TOR1AIP2: variants seen among roughly 807,000 people sequenced by gnomAD.
TOR1AIP2 encodes the protein torsin 1A interacting protein 2, also known as torsin-1A-interacting protein 2.
In TOR1AIP2, 20 loss-of-function variants were observed where a neutral mutation model predicts 32.6. The observed-to-expected ratio is 0.61, with a 90% CI of 0.43 to 0.89. The LOEUF (loss-of-function observed/expected upper bound fraction) is 0.89, where lower values mean the gene tolerates loss of function less well. TOR1AIP2 is among the 40% of genes least tolerant of loss of function. TOR1AIP2 has a pLI of 0.00. For synonymous variants in TOR1AIP2, 214 were observed against 210.8 expected (o/e 1.02, Z -0.13); for missense variants, 456 against 553.8 (o/e 0.82, Z 1.77).
intron 2 of TOR1AIP2, chr1:179,874,258 C>G (rs1697110935): frequency 6.6e-6 from 1 of 152,140 alleles, no homozygotes; most frequent in Admixed American, 6.5e-5. Flanking sequence ...CTGGTGTTCA[C>G]TATAAAGTAG....
At chr1:179,853,881 AC>A (rs1205834067) in intron 3 of TOR1AIP2, among the ~76,000 whole-genome samples, 1 of 152,184 alleles carries the variant, frequency 6.6e-6, no homozygotes, top group African/African-American at 2.4e-5. Flanking sequence ...GCCACTGTGA[AC>A]ACTTAGCGAA....
At chr1:179,846,886 G>T in intron 6 of TOR1AIP2, 58 bp from the exon 7 acceptor site, 1 of 1,502,922 alleles carries the variant, frequency 6.7e-7, no homozygotes. Context: ...CAGAAACAAA[G>T]CCTGTGGTAA....
intron 4 of TOR1AIP2, 62 bp downstream of exon 4, chr1:179,852,570 T>C (rs1445763291): frequency 1.9e-6 from 3 of 1,561,636 alleles, no homozygotes; most frequent in Non-Finnish European, 2.6e-6. Flanking sequence ...AGAGATTTTC[T>C]CTCTCTGCAC....
intron 5 of TOR1AIP2, among the ~76,000 whole-genome samples, chr1:179,850,237 T>A (rs1417060023): frequency 6.6e-6 from 1 of 151,732 alleles, no homozygotes; most frequent in Non-Finnish European, 1.5e-5. Context: ...GGGCCACAAC[T>A]AGAATTCACA....
chr1:179,868,445 T>C (rs1327340522), intron 2 of TOR1AIP2: 1 of 152,224 alleles, frequency 6.6e-6, no homozygotes, highest in African/African-American at 2.4e-5. Context: ...ATTCTTATAG[T>C]CTAATGACAA....
At chr1:179,872,011 T>C (rs1697028063) in intron 2 of TOR1AIP2, among the ~76,000 whole-genome samples, 1 of 152,216 alleles carries the variant, frequency 6.6e-6, no homozygotes, top group East Asian at 1.9e-4. Context: ...AGAGAAGGCA[T>C]ATGGATGACA....
At chr1:179,858,495 A>AG (rs1168252336) in intron 3 of TOR1AIP2, among the ~76,000 whole-genome samples, 2 of 152,198 alleles carry the variant, frequency 1.3e-5, no homozygotes, top group African/African-American at 2.4e-5. Context: ...ATCTGGGCAA[A>AG]GGTCTTACTA....
intron 2 of TOR1AIP2, among the ~76,000 whole-genome samples, chr1:179,866,768 C>G (rs926520561): frequency 6.6e-6 from 1 of 152,144 alleles, no homozygotes; most frequent in Non-Finnish European, 1.5e-5. Flanking sequence ...TAAGGCACAG[C>G]CCTGAGCAAT....
chr1:179,843,139 A>C lies in TOR1AIP2; in HGVS notation c.*2932T>G, dbSNP rs912243742. 1 of 152,060 alleles carries C rather than the reference A, an allele frequency of 6.6e-6. No individual in the cohort carries two copies. Among genetic ancestry groups the C allele is most frequent in the African/African-American group, 2.4e-5 (1 of 41,420 alleles). The allele number at this position is 152,060 out of a possible 1,614,324, so 9.4% of individuals were successfully genotyped here. On this transcript the variant is annotated 3_prime_UTR_variant, in exon 7 of 7. Coordinates refer to ENST00000609928, the MANE Select transcript of TOR1AIP2 (RefSeq NM_001199260.2). The stretch of plus-strand genomic sequence containing the variant: ...TTTGAATTATCTGTACATTTATAAA[A>C]TATGGTCTTATGTTTAAAAATAGTC...
chr1:179,870,911 T>G (rs1256057727), intron 2 of TOR1AIP2, among the ~76,000 whole-genome samples: 1 of 152,278 alleles, frequency 6.6e-6, no homozygotes, highest in Non-Finnish European at 1.5e-5. Flanking sequence ...ACTTTATGAT[T>G]GTTAAACATA....
At chr1:179,847,700 A>C (rs1374839644) in intron 5 of TOR1AIP2, 64 bp from the exon 6 acceptor site, 2 of 1,075,752 alleles carry the variant, frequency 1.9e-6, no homozygotes, top group Non-Finnish European at 2.9e-6. Context: ...GTATACCTTT[A>C]TATCTCTCAC....
In TOR1AIP2 at chr1:179,846,041, T is replaced by A. The variant is rs1241740063; in HGVS notation, c.*30A>T. 6.3e-7 allele frequency: 1 copy of A among 1,589,484 alleles called. No individual in the cohort carries two copies. The highest frequency in any genetic ancestry group is 8.6e-7 in the Non-Finnish European group (1 of 1,166,310). On this transcript the variant is annotated 3_prime_UTR_variant, in exon 7 of 7. Coordinates refer to ENST00000609928, the MANE Select transcript of TOR1AIP2 (RefSeq NM_001199260.2). ...TTAAACAAACTTTTTCATAAACATA[T>A]ACCTTCTGTAACCAACTCTGTGCTT...
At position 179,857,911 on chromosome 1, in the gene TOR1AIP2, C is replaced by T. The variant is rs796581196; in HGVS notation, c.-146-5100G>A. Among the ~76,000 whole-genome samples, 7 of 152,188 alleles carry T rather than the reference C, an allele frequency of 4.6e-5. No homozygotes were observed. The East Asian group carries it at 7.7e-4, about 17-fold the overall frequency. On this transcript the variant is annotated intron_variant, in intron 3 of 6. Coordinates refer to ENST00000609928, the MANE Select transcript of TOR1AIP2 (RefSeq NM_001199260.2). ...AACTCATTTAACCTTCACAACACTT[C>T]GAGAGGCCAAGGCAGGAGGATTGCT...
At chr1:179,852,932 C>T (rs1010272361) in intron 3 of TOR1AIP2, 121 bp from the exon 4 acceptor site, 16 of 658,074 alleles carry the variant, frequency 2.4e-5, no homozygotes, top group Admixed American at 1.8e-4. Context: ...AAACTTTTTT[C>T]GTGAAGAAAA....
At chr1:179,847,906 G>A (rs984726330) in intron 5 of TOR1AIP2, among the ~76,000 whole-genome samples, 7 of 151,938 alleles carry the variant, frequency 4.6e-5, no homozygotes, top group African/African-American at 1.4e-4. Context: ...GATGGCGGGC[G>A]CCTGTAATCC....
chr1:179,864,739 C>G (rs758776137), intron 3 of TOR1AIP2: 3 of 1,525,316 alleles, frequency 2.0e-6, no homozygotes, highest in Non-Finnish European at 2.6e-6. Flanking sequence ...GGGCTACCTA[C>G]ACAAAAGCCT....
intron 3 of TOR1AIP2, chr1:179,862,275 C>T (rs1281046165): frequency 1.0e-6 from 1 of 977,520 alleles, no homozygotes; most frequent in East Asian, 1.1e-4. Flanking sequence ...GTCCTTGTAA[C>T]ATAAGCATTC....
At chr1:179,871,459 A>G (rs1325154733) in intron 2 of TOR1AIP2, among the ~76,000 whole-genome samples, 1 of 152,218 alleles carries the variant, frequency 6.6e-6, no homozygotes, top group Admixed American at 6.5e-5. Context: ...TAAATAGTCT[A>G]TCTTGTTCTT....
chr1:179,845,392 T>A lies in TOR1AIP2; in HGVS notation c.*679A>T, dbSNP rs1271359363. 2 of 152,222 alleles carry A rather than the reference T, an allele frequency of 1.3e-5. No individual in the cohort carries two copies. Among genetic ancestry groups the A allele is most frequent in the African/African-American group, 4.8e-5 (2 of 41,458 alleles). 9.4% of individuals were successfully genotyped at this position (152,222 alleles called of 1,614,324 possible). A position where few individuals can be genotyped will look rare whatever the true frequency, so the allele number is the denominator to read the frequency against. ...TTGGAATTTCTTCATTTCCAATGAT[T>A]ATAAACAATTTCCCCACTGGTTCTC... On this transcript the variant is annotated 3_prime_UTR_variant, in exon 7 of 7. Transcript: ENST00000609928.
Sources: allele counts gnomAD v4.1 joint callset (sites outside exome capture counted in the v4.1 genomes callset), GRCh38; gene constraint gnomAD v4.1.1; transcripts MANE v1.5; gene names NCBI Gene and HGNC (gene_info 2026-07-23, HGNC 2026-07-21).